The following SEMA6D variants were observed in gnomAD, a reference collection of about 807,000 sequenced individuals.
SEMA6D encodes the protein semaphorin-6D.
In SEMA6D, 35 loss-of-function variants were observed where a neutral mutation model predicts 106.6. The ratio of observed to expected loss-of-function variants is 0.33; its 90% CI spans 0.25 to 0.44. SEMA6D has a LOEUF of 0.44. Ranked by LOEUF, SEMA6D falls within the 20% of genes least tolerant of loss-of-function variation. The pLI is 1.00. For missense variants in SEMA6D, 1,185 were observed against 1,345.9 expected (o/e 0.88, Z 1.87); for synonymous variants, 499 against 487.7 (o/e 1.02, Z -0.31).
At chr15:47,725,031 T>C (rs2079649260) in intron 1 of SEMA6D, among the ~76,000 whole-genome samples, 1 of 152,232 alleles carries the variant, frequency 6.6e-6, no homozygotes, top group Non-Finnish European at 1.5e-5. Context: ...ATCTTTTTTC[T>C]TAAACTTGAA....
chr15:47,652,598 G>T (rs189042831), intron 4 of SEMA6D, among the ~76,000 whole-genome samples: 144 of 152,282 alleles, frequency 9.5e-4, no homozygotes, highest in African/African-American at 3.1e-3. Flanking sequence ...AAACAGAAAA[G>T]CCTTGGGGGC....
At chr15:47,761,791 C>A (rs1383568170) in intron 7 of SEMA6D, 40 bp downstream of exon 7, 1 of 1,482,548 alleles carries the variant, frequency 6.7e-7, no homozygotes, top group Non-Finnish European at 9.3e-7. Flanking sequence ...TGATTAATGA[C>A]ATTGAAGGTG....
At chr15:47,279,855 C>G (rs905625319) in intron 1 of SEMA6D, among the ~76,000 whole-genome samples, 38 of 149,568 alleles carry the variant, frequency 2.5e-4, no homozygotes, top group Non-Finnish European at 4.0e-4. Flanking sequence ...ATTGAACCAG[C>G]CTTGCATCCC....
chr15:47,332,386 C>T (rs912155816), intron 1 of SEMA6D, among the ~76,000 whole-genome samples: 1 of 152,146 alleles, frequency 6.6e-6, no homozygotes, highest in African/African-American at 2.4e-5. Flanking sequence ...AACAGTGAGT[C>T]CGTGAAAGAA....
At chr15:47,595,241 A>G (rs962652059) in intron 3 of SEMA6D, among the ~76,000 whole-genome samples, 3 of 152,186 alleles carry the variant, frequency 2.0e-5, no homozygotes, top group Admixed American at 6.5e-5. Context: ...ATTGAGGTAC[A>G]TTCCTTCCAT....
At chr15:47,618,312 T>C (rs1199454309) in intron 4 of SEMA6D, among the ~76,000 whole-genome samples, 3 of 152,250 alleles carry the variant, frequency 2.0e-5, no homozygotes, top group Non-Finnish European at 4.4e-5. Context: ...AGGAGGTTTT[T>C]GCCTGACCTA....
chr15:47,526,506 T>C (rs1217168715), intron 3 of SEMA6D, among the ~76,000 whole-genome samples: 1 of 152,196 alleles, frequency 6.6e-6, no homozygotes, highest in African/African-American at 2.4e-5. Context: ...ACCAGACTTA[T>C]TCAGACCAAA....
At chr15:47,424,066 A>T (rs149405016) in intron 2 of SEMA6D, among the ~76,000 whole-genome samples, 351 of 152,214 alleles carry the variant, frequency 2.3e-3, no homozygotes, top group African/African-American at 8.1e-3. Context: ...TTAAATAGGA[A>T]ATCAGTGAAG....
chr15:47,394,289 G>A (rs2040137360), intron 1 of SEMA6D, among the ~76,000 whole-genome samples: 1 of 152,238 alleles, frequency 6.6e-6, no homozygotes, highest in East Asian at 1.9e-4. Flanking sequence ...ACTGAAATGG[G>A]CTATCTTTAA....
In SEMA6D at chr15:47,771,648, A is replaced by T. The variant is rs1363133535; in HGVS notation, c.3085A>T (p.Ser1029Cys). 2.5e-6 allele frequency: 4 copies of T among 1,614,102 alleles called. No homozygotes were observed. The highest frequency in any genetic ancestry group is 3.4e-6 in the Non-Finnish European group (4 of 1,179,974). Residue 1029 changes from serine (S) to cysteine (C), a missense_variant, in exon 19 of 19, where the codon AGC becomes TGC. Ser to Cys is a moderately radical substitution (Grantham distance 112). Coordinates refer to ENST00000536845, the MANE Select transcript of SEMA6D (RefSeq NM_001358351.3). Reference sequence around the variant, plus strand: ...TCTGCAGCCTTCCCTCTCCAGACAGAGCAGCTACACCAGTAATGGCACTCT... The same window carrying T: ...TCTGCAGCCTTCCCTCTCCAGACAGTGCAGCTACACCAGTAATGGCACTCT... ...VHLQPSLSRQ[S>C]SYTSNGTLPR... is the part of the protein sequence containing the mutation.
chr15:47,760,112 T>C, intron 2 of SEMA6D, 192 bp from the exon 3 acceptor site: 1 of 610,006 alleles, frequency 1.6e-6, no homozygotes, highest in East Asian at 2.8e-5. Context: ...AACCTGTATA[T>C]AGGTTATATA....
intron 10 of SEMA6D, 23 bp from the exon 11 acceptor site, chr15:47,764,151 C>G: frequency 6.2e-7 from 1 of 1,613,052 alleles, no homozygotes; most frequent in Non-Finnish European, 8.5e-7. Context: ...CAGCCTCTTC[C>G]TGATGATTTT....
intron 1 of SEMA6D, among the ~76,000 whole-genome samples, chr15:47,218,550 A>G (rs558536658): frequency 2.6e-5 from 4 of 152,280 alleles, no homozygotes; most frequent in African/African-American, 9.6e-5. Flanking sequence ...AAGATGCATT[A>G]TTTCTCCATT....
chr15:47,238,663 A>C (rs944353683), intron 1 of SEMA6D, among the ~76,000 whole-genome samples: 1 of 151,054 alleles, frequency 6.6e-6, no homozygotes, highest in African/African-American at 2.4e-5. Flanking sequence ...CGTTTAGACA[A>C]AAAAAAAATC....
chr15:47,400,268 T>C (rs1022088004), intron 1 of SEMA6D, among the ~76,000 whole-genome samples: 4 of 152,136 alleles, frequency 2.6e-5, no homozygotes. Context: ...GGTAGGTGGA[T>C]GACCTGAGGC....
At chr15:47,505,664 G>T (rs923528380) in intron 3 of SEMA6D, among the ~76,000 whole-genome samples, 9 of 151,964 alleles carry the variant, frequency 5.9e-5, no homozygotes, top group African/African-American at 2.2e-4. Flanking sequence ...GGTTCAGCAA[G>T]AATAATGAAA....
At chr15:47,207,696 A>G (rs1342365659) in intron 1 of SEMA6D, among the ~76,000 whole-genome samples, 1 of 152,026 alleles carries the variant, frequency 6.6e-6, no homozygotes, top group African/African-American at 2.4e-5. Context: ...GGCTCCTTGC[A>G]CCTAGGCCAT....
intron 3 of SEMA6D, among the ~76,000 whole-genome samples, chr15:47,483,404 T>C (rs1034606786): frequency 6.6e-6 from 1 of 152,108 alleles, no homozygotes; most frequent in African/African-American, 2.4e-5. Flanking sequence ...GGACAGAACA[T>C]TTGGCTCATT....
intron 2 of SEMA6D, among the ~76,000 whole-genome samples, chr15:47,439,488 C>T (rs1329305655): frequency 6.6e-6 from 1 of 152,092 alleles, no homozygotes; most frequent in African/African-American, 2.4e-5. Context: ...GTACTTTCTT[C>T]TCTGGGTGTG....
Sources: allele counts gnomAD v4.1 joint callset (sites outside exome capture counted in the v4.1 genomes callset), GRCh38; gene constraint gnomAD v4.1.1; transcripts MANE v1.5; gene names NCBI Gene and HGNC (gene_info 2026-07-23, HGNC 2026-07-21).